PTH2R: variants seen among roughly 807,000 people sequenced by gnomAD.
The protein encoded by PTH2R is parathyroid hormone 2 receptor, also known as PTH2 receptor.
In PTH2R, 59 loss-of-function variants were observed where a neutral mutation model predicts 60.3. The observed-to-expected ratio is 0.98, with a 90% CI of 0.79 to 1.22. PTH2R has a LOEUF of 1.22. PTH2R is among the 50% of genes most tolerant of loss of function. The pLI, the probability that PTH2R is intolerant of heterozygous loss-of-function variation, is 0.00. For synonymous variants in PTH2R, 256 were observed against 243.8 expected (o/e 1.05, Z -0.47); for missense variants, 749 against 682.6 (o/e 1.10, Z -1.08).
intron 1 of PTH2R, among the ~76,000 whole-genome samples, chr2:208,385,074 T>C (rs1417265469): frequency 6.6e-6 from 1 of 152,176 alleles, no homozygotes; most frequent in Non-Finnish European, 1.5e-5. Context: ...TTTAAGAAAA[T>C]GGATGGAAGA....
At position 208,409,805 on chromosome 2, in the gene PTH2R, G is replaced by T. The variant is rs886263242; in HGVS notation, c.75+2687G>T. On this transcript the variant is annotated intron_variant, in intron 1 of 12. Transcript: ENST00000272847. ...CCCAGCAATGCATTTTCTATAGTCAGATTATCACATGGTAATGAGGACCAC... is the reference window on the plus strand; with the variant it reads ...CCCAGCAATGCATTTTCTATAGTCATATTATCACATGGTAATGAGGACCAC... 4.6e-5 allele frequency among the ~76,000 whole-genome samples: 7 copies of T among 152,114 alleles called. 1 individual carries two copies. Among genetic ancestry groups the T allele is most frequent in the African/African-American group, 1.7e-4 (7 of 41,422 alleles).
At chr2:208,441,488 GT>G (rs748862281) in intron 4 of PTH2R, among the ~76,000 whole-genome samples, 3 of 152,194 alleles carry the variant, frequency 2.0e-5, no homozygotes, top group Admixed American at 6.5e-5. Context: ...CGCTTGTTGA[GT>G]TTCCCCATTT....
chr2:208,485,474 G>GA (rs1559234194), intron 10 of PTH2R, among the ~76,000 whole-genome samples: 1 of 152,080 alleles, frequency 6.6e-6, no homozygotes, highest in Non-Finnish European at 1.5e-5. Context: ...TATGGACGCT[G>GA]AAAAAAATCA....
rs185584864 is a variant in PTH2R at position 208,369,967 on chromosome 2, G to C, written c.-259+9730G>C. On this transcript the variant is annotated intron_variant, in intron 1 of 12. Transcript: ENST00000617735. ...TTCCAAAGTAATGAACAAGCATCTGGTGCCACTATACAGACTGGGAAGCCT... is the reference window on the plus strand; with the variant it reads ...TTCCAAAGTAATGAACAAGCATCTGCTGCCACTATACAGACTGGGAAGCCT... Among the ~76,000 whole-genome samples, 168 of 152,076 alleles carry C rather than the reference G, an allele frequency of 1.1e-3. 1 individual carries two copies. The highest frequency in any genetic ancestry group is 2.9e-3 in the African/African-American group (120 of 41,416).
intron 2 of PTH2R, among the ~76,000 whole-genome samples, chr2:208,428,557 C>T (rs1701905070): frequency 6.6e-6 from 1 of 152,190 alleles, no homozygotes; most frequent in Non-Finnish European, 1.5e-5. Context: ...CAGCCTATCC[C>T]TTAGTCCTTT....
upstream of PTH2R, among the ~76,000 whole-genome samples, chr2:208,402,972 C>T (rs1351787483): frequency 6.6e-6 from 1 of 152,190 alleles, no homozygotes; most frequent in African/African-American, 2.4e-5. Flanking sequence ...TTCTGCACAT[C>T]ATTTAGCTTC....
chr2:208,377,131 T>C (rs1039508136), intron 1 of PTH2R, among the ~76,000 whole-genome samples: 3 of 152,012 alleles, frequency 2.0e-5, no homozygotes, highest in African/African-American at 7.3e-5. Context: ...TGCATGGCCC[T>C]TAATCCATTT....
At chr2:208,454,037 T>C (rs1405905998) in intron 8 of PTH2R, among the ~76,000 whole-genome samples, 1 of 152,134 alleles carries the variant, frequency 6.6e-6, no homozygotes, top group Non-Finnish European at 1.5e-5. Flanking sequence ...CCCAAGTGCC[T>C]CCGGGGCTGA....
At chr2:208,413,797 A>G (rs1448704575) in intron 1 of PTH2R, among the ~76,000 whole-genome samples, 1 of 152,256 alleles carries the variant, frequency 6.6e-6, no homozygotes, top group Non-Finnish European at 1.5e-5. Flanking sequence ...AGTCAAAGAC[A>G]GAATAAACCT....
At chr2:208,441,431 C>T (rs988106597) in intron 4 of PTH2R, among the ~76,000 whole-genome samples, 1 of 152,034 alleles carries the variant, frequency 6.6e-6, no homozygotes, top group Non-Finnish European at 1.5e-5. Context: ...TTTTCTTGGC[C>T]CTTTTATGGA....
chr2:208,380,510 C>T (rs1700891504), intron 1 of PTH2R, among the ~76,000 whole-genome samples: 1 of 151,996 alleles, frequency 6.6e-6, no homozygotes, highest in Admixed American at 6.6e-5. Context: ...CAATGTCTTG[C>T]CTACTTAAAT....
intron 2 of PTH2R, among the ~76,000 whole-genome samples, chr2:208,435,698 A>G (rs1702061293): frequency 6.6e-6 from 1 of 152,198 alleles, no homozygotes; most frequent in Admixed American, 6.5e-5. Flanking sequence ...CAAGTGAACA[A>G]GGAGACAGAT....
At chr2:208,382,645 G>T (rs539916468) in intron 1 of PTH2R, among the ~76,000 whole-genome samples, 6 of 152,250 alleles carry the variant, frequency 3.9e-5, no homozygotes, top group Non-Finnish European at 7.4e-5. Context: ...CAAATAAATT[G>T]GTAGATTCAT....
intron 1 of PTH2R, among the ~76,000 whole-genome samples, chr2:208,414,883 GT>G (rs1255485176): frequency 6.6e-6 from 1 of 151,784 alleles, no homozygotes; most frequent in Non-Finnish European, 1.5e-5. Flanking sequence ...TATTGGCCCA[GT>G]TCCATAATGA....
intron 1 of PTH2R, among the ~76,000 whole-genome samples, chr2:208,408,834 C>T (rs1701480803): frequency 6.6e-6 from 1 of 151,898 alleles, no homozygotes; most frequent in Non-Finnish European, 1.5e-5. Flanking sequence ...ATAAAACAAT[C>T]AGGACATTGA....
chr2:208,441,765 A>C (rs1294063554), intron 4 of PTH2R, among the ~76,000 whole-genome samples: 5 of 152,236 alleles, frequency 3.3e-5, no homozygotes, highest in African/African-American at 1.2e-4. Flanking sequence ...AAAAATGTAC[A>C]TATGATCAAA....
At chr2:208,486,089 TAAGAATGCAGCC>T (rs1398973564) in intron 10 of PTH2R, among the ~76,000 whole-genome samples, 1 of 152,174 alleles carries the variant, frequency 6.6e-6, no homozygotes, top group African/African-American at 2.4e-5. Context: ...GAGGCCCAGA[TAAGAATGCAGCC>T]AACACTTTAA....
intron 9 of PTH2R, 144 bp downstream of exon 9, chr2:208,460,105 AC>A: frequency 1.5e-6 from 1 of 687,492 alleles, no homozygotes; most frequent in Non-Finnish European, 2.5e-6. Context: ...AGAGTCTGGG[AC>A]AGAGATCAGA....
chr2:208,409,360 A>G lies in PTH2R; in HGVS notation c.75+2242A>G, dbSNP rs370077981. Among the ~76,000 whole-genome samples the G allele has an allele frequency of 3.9e-5, 6 of 152,156 alleles. No individual in the cohort carries two copies. In the East Asian group the frequency reaches 7.7e-4, roughly 20 times the overall value. ...CAGTCATTCTCTACTCTGAAATTCC[A>G]TTAGTTAACCTGGAGTATAATAGAG... On this transcript the variant is annotated intron_variant, in intron 1 of 12. Coordinates refer to ENST00000272847, the MANE Select transcript of PTH2R (RefSeq NM_005048.4).
Sources: allele counts gnomAD v4.1 joint callset (sites outside exome capture counted in the v4.1 genomes callset), GRCh38; gene constraint gnomAD v4.1.1; transcripts MANE v1.5; gene names NCBI Gene and HGNC (gene_info 2026-07-23, HGNC 2026-07-21).